The following SCHIP1 variants were observed in gnomAD, a reference collection of about 807,000 sequenced individuals.
SCHIP1 encodes the protein schwannomin-interacting protein 1.
Under a neutral mutation model 29.7 loss-of-function variants are expected in SCHIP1, and 8 were observed. The ratio of observed to expected loss-of-function variants is 0.27; its 90% confidence interval spans 0.16 to 0.49. SCHIP1 has a LOEUF of 0.49. SCHIP1 is among the 20% of genes least tolerant of loss of function. SCHIP1 has a pLI of 0.99. For missense variants in SCHIP1, 193 were observed against 294.6 expected (o/e 0.66, Z 2.52); for synonymous variants, 76 against 94.9 (o/e 0.80, Z 1.16).
the SCHIP1 span, among the ~76,000 whole-genome samples, chr3:159,603,460 T>C: frequency 2.6e-4 from 37 of 141,168 alleles, no homozygotes; most frequent in African/African-American, 1.1e-3. Flanking sequence ...TAATCCTGCC[T>C]TGTTGTTTCC....
At chr3:159,770,238 T>C in the SCHIP1 span, among the ~76,000 whole-genome samples, 1 of 152,214 alleles carries the variant, frequency 6.6e-6, no homozygotes. Context: ...CAAATAACAT[T>C]GTTATGGACA....
chr3:159,551,379 G>A, the SCHIP1 span, among the ~76,000 whole-genome samples: 1 of 152,112 alleles, frequency 6.6e-6, no homozygotes, highest in Non-Finnish European at 1.5e-5. Context: ...CAAACAAACT[G>A]CCTAAAATGG....
chr3:159,302,962 A>G, the SCHIP1 span, among the ~76,000 whole-genome samples: 1 of 152,236 alleles, frequency 6.6e-6, no homozygotes, highest in Non-Finnish European at 1.5e-5. Context: ...AACACAAATA[A>G]TAAAAGCTTG....
chr3:159,351,616 T>C, the SCHIP1 span, among the ~76,000 whole-genome samples: 1 of 152,316 alleles, frequency 6.6e-6, no homozygotes, highest in East Asian at 1.9e-4. Flanking sequence ...TCTGTAGGAA[T>C]CAATGCATTC....
chr3:159,511,216 G>T, the SCHIP1 span, among the ~76,000 whole-genome samples: 1 of 152,180 alleles, frequency 6.6e-6, no homozygotes, highest in South Asian at 2.1e-4. Context: ...TCAATCTCAG[G>T]CTGCTGTGCT....
chr3:159,494,689 G>GT, the SCHIP1 span, among the ~76,000 whole-genome samples: 1 of 152,152 alleles, frequency 6.6e-6, no homozygotes, highest in African/African-American at 2.4e-5. Context: ...GGAGGAGCTG[G>GT]TACCATTCCT....
chr3:159,703,252 G>A, the SCHIP1 span, among the ~76,000 whole-genome samples: 1 of 152,174 alleles, frequency 6.6e-6, no homozygotes, highest in Non-Finnish European at 1.5e-5. Context: ...CTTATAGATT[G>A]AATAAATAAA....
At chr3:159,718,577 A>G in the SCHIP1 span, among the ~76,000 whole-genome samples, 2 of 152,202 alleles carry the variant, frequency 1.3e-5, no homozygotes, top group African/African-American at 4.8e-5. Flanking sequence ...AAGCATTCTT[A>G]TACACCAATA....
At chr3:159,412,502 G>A in the SCHIP1 span, among the ~76,000 whole-genome samples, 75 of 152,262 alleles carry the variant, frequency 4.9e-4, no homozygotes, top group African/African-American at 1.6e-3. Flanking sequence ...TTGTAATTGG[G>A]TGTACAAGTT....
chr3:159,588,502 C>T, the SCHIP1 span, among the ~76,000 whole-genome samples: 1 of 152,184 alleles, frequency 6.6e-6, no homozygotes, highest in Non-Finnish European at 1.5e-5. Context: ...GGCTTTGTTG[C>T]CATTGCTTTT....
At chr3:159,832,357 T>A in the SCHIP1 span, among the ~76,000 whole-genome samples, 1 of 152,114 alleles carries the variant, frequency 6.6e-6, no homozygotes, top group South Asian at 2.1e-4. Context: ...TGGCCCTTAT[T>A]TTCTATTCAC....
At chr3:159,685,051 C>T in the SCHIP1 span, among the ~76,000 whole-genome samples, 2 of 152,110 alleles carry the variant, frequency 1.3e-5, no homozygotes, top group Non-Finnish European at 2.9e-5. Context: ...TTATACTTGT[C>T]TCAGTTATTT....
At chr3:159,290,468 C>T in the SCHIP1 span, among the ~76,000 whole-genome samples, 12 of 151,934 alleles carry the variant, frequency 7.9e-5, no homozygotes, top group African/African-American at 2.9e-4. Flanking sequence ...TTTGAATATA[C>T]CTGGTTTTAA....
At chr3:159,331,768 C>T in the SCHIP1 span, among the ~76,000 whole-genome samples, 322 of 152,314 alleles carry the variant, frequency 2.1e-3, no homozygotes, top group African/African-American at 7.1e-3. Flanking sequence ...CCTTGAGTCA[C>T]ACCAACCTAT....
chr3:159,437,289 T>C, the SCHIP1 span, among the ~76,000 whole-genome samples: 43 of 152,136 alleles, frequency 2.8e-4, 1 homozygote, highest in Admixed American at 2.8e-3. Flanking sequence ...TGTTCTACCT[T>C]AGCCAAAGTT....
the SCHIP1 span, chr3:159,764,279 A>C: frequency 1.4e-6 from 1 of 695,830 alleles, no homozygotes; most frequent in Admixed American, 3.4e-5. The surrounding 1 kb of genome is among the most constrained non-coding windows in gnomAD (Gnocchi z 6.1). Flanking sequence ...GCAGGAGGGA[A>C]GCCTCAGGCT....
At chr3:159,475,751 T>C in the SCHIP1 span, among the ~76,000 whole-genome samples, 1 of 152,172 alleles carries the variant, frequency 6.6e-6, no homozygotes, top group African/African-American at 2.4e-5. Context: ...GTATCTCTTT[T>C]AGGCAACTTC....
At chr3:159,401,013 G>C in the SCHIP1 span, 1 of 169,408 alleles carries the variant, frequency 5.9e-6, no homozygotes, top group African/African-American at 2.4e-5. Context: ...GATCAGAAGG[G>C]ATTGTGTTTA....
the SCHIP1 span, among the ~76,000 whole-genome samples, chr3:159,298,407 C>T: frequency 7.2e-5 from 11 of 152,154 alleles, no homozygotes; most frequent in African/African-American, 2.4e-4. Flanking sequence ...GCAAATCATA[C>T]GTGTCACCTA....
Sources: gnomAD v4.1 joint callset for allele counts (sites outside exome capture counted in the v4.1 genomes callset) on GRCh38, gnomAD v4.1.1 for gene constraint, Gnocchi (gnomAD v3.1) non-coding constraint, MANE v1.5 for transcripts, NCBI Gene and HGNC (gene_info 2026-07-23, HGNC 2026-07-21) for gene names.